SH2B3: variants seen among roughly 807,000 people sequenced by gnomAD.
The protein encoded by SH2B3 is SH2B adaptor protein 3, also known as SH2B adapter protein 3.
Under a neutral mutation model 51.9 loss-of-function variants are expected in SH2B3, and 43 were observed. The ratio of observed to expected loss-of-function variants is 0.83; its 90% CI spans 0.65 to 1.07. The LOEUF (loss-of-function observed/expected upper bound fraction) is 1.07, where lower values mean the gene tolerates loss of function less well. Ranked by LOEUF, SH2B3 falls within the 50% of genes least tolerant of loss-of-function variation. The pLI is 0.00. For missense variants in SH2B3, 952 were observed against 834.3 expected (o/e 1.14, Z -1.74); for synonymous variants, 396 against 376.0 (o/e 1.05, Z -0.62).
chr12:111,444,842 G>A, intron 2 of SH2B3: 1 of 985,678 alleles, frequency 1.0e-6, no homozygotes, highest in East Asian at 1.1e-4. Context: ...TCTGGCATAG[G>A]ACACCCATAC....
chr12:111,408,459 T>G (rs1236089606), intron 1 of SH2B3, among the ~76,000 whole-genome samples: 1 of 131,692 alleles, frequency 7.6e-6, no homozygotes, highest in Non-Finnish European at 1.6e-5. Flanking sequence ...CTCCGATAAA[T>G]AGAACTTTTG....
At chr12:111,415,344 G>A (rs1871001570) in intron 1 of SH2B3, among the ~76,000 whole-genome samples, 1 of 152,200 alleles carries the variant, frequency 6.6e-6, no homozygotes, top group South Asian at 2.1e-4. Context: ...GAGGAAGGAA[G>A]GATGGTGCCC....
At chr12:111,431,223 T>C (rs565701766) in intron 2 of SH2B3, among the ~76,000 whole-genome samples, 1 of 152,282 alleles carries the variant, frequency 6.6e-6, no homozygotes, top group Non-Finnish European at 1.5e-5. Flanking sequence ...TGGACCTCCC[T>C]CGCTGTGGCT....
At chr12:111,419,396 G>C (rs1185734509) in intron 2 of SH2B3, among the ~76,000 whole-genome samples, 2 of 152,148 alleles carry the variant, frequency 1.3e-5, no homozygotes, top group African/African-American at 4.8e-5. Context: ...CAGCACTTTG[G>C]GAGGCCAAGG....
intron 2 of SH2B3, among the ~76,000 whole-genome samples, chr12:111,439,459 T>C (rs1367729453): frequency 3.0e-4 from 46 of 152,328 alleles, no homozygotes; most frequent in African/African-American, 4.8e-5. Context: ...CTAATTTTTG[T>C]ATTTTTAATA....
Position 111,406,566 on chromosome 12 carries a change from G to A in SH2B3, c.-28+289G>A, listed in dbSNP as rs547650629. 1.3e-5 allele frequency among the ~76,000 whole-genome samples: 2 copies of A among 152,336 alleles called. No individual in the cohort carries two copies. The highest frequency in any genetic ancestry group is 4.8e-5 in the African/African-American group (2 of 41,598). On this transcript the variant is annotated intron_variant, in intron 1 of 7. Coordinates refer to ENST00000341259, the MANE Select transcript of SH2B3 (RefSeq NM_005475.3). The surrounding 1 kb of genome is among the most constrained non-coding windows in gnomAD (Gnocchi z 5.7). ...CGCTGACGCCCCCAGCCCACCCTAC[G>A]GTAGCCTCGCCGGTTGGGGGCGGCC...
At position 111,418,662 on chromosome 12, in the gene SH2B3, C is replaced by A; in HGVS notation, c.517C>A (p.Pro173Thr). Reference protein sequence around the residue: ...PGTPGEAAETPARPGLAKKFL... With the variant: ...PGTPGEAAETTARPGLAKKFL... ...GACCCCCGGAGAGGCTGCTGAGACCCCCGCCCGGCCTGGCCTGGCCAAGAA... is the reference window on the plus strand; with the variant it reads ...GACCCCCGGAGAGGCTGCTGAGACCACCGCCCGGCCTGGCCTGGCCAAGAA... The change falls in exon 2 of 8, where the codon CCC becomes ACC. Residue 173 changes from proline to threonine, a missense_variant. Pro to Thr is a conservative substitution (Grantham distance 38). Coordinates refer to ENST00000341259, the MANE Select transcript of SH2B3 (RefSeq NM_005475.3). The surrounding 1 kb of genome is among the most constrained non-coding windows in gnomAD (Gnocchi z 6.7). The A allele has an allele frequency of 6.7e-7, 1 of 1,487,182 alleles. No homozygotes were observed. The highest frequency in any genetic ancestry group is 1.5e-5 in the African/African-American group (1 of 67,824). 92.1% of individuals were successfully genotyped at this position (1,487,182 alleles called of 1,614,324 possible). A position where few individuals can be genotyped will look rare whatever the true frequency, so the allele number is the denominator to read the frequency against.
chr12:111,438,968 TTTTG>T lies in SH2B3; in HGVS notation c.733-7768_733-7765del, dbSNP rs531285039. ...ATGAGGACCACAGGGGAGTTTTTGT[TTTTG>T]TTTGTTTGTTTGTTTGAGACAGTCT... On this transcript the variant is annotated intron_variant, in intron 2 of 7. Transcript: ENST00000341259. This position sits in a 1 kb window ranked among gnomAD's most constrained non-coding sequence, Gnocchi z 4.2. Among the ~76,000 whole-genome samples, 628 of 152,098 alleles carry T rather than the reference TTTTG, an allele frequency of 4.1e-3. 12 individuals are homozygous for T. Among genetic ancestry groups the T allele is most frequent in the Admixed American group, 0.034 (516 of 15,272 alleles).
chr12:111,447,553 T>TG lies in SH2B3; in HGVS notation c.1236+13dup. The TG allele has an allele frequency of 1.1e-5, 2 of 188,588 alleles. No homozygotes were observed. Among genetic ancestry groups the TG allele is most frequent in the Admixed American group, 6.6e-5 (1 of 15,174 alleles). 11.7% of individuals were successfully genotyped at this position (188,588 alleles called of 1,614,324 possible). A position where few individuals can be genotyped will look rare whatever the true frequency, so the allele number is the denominator to read the frequency against. ...TTCAGGGGATAGCCAAGGTATGGGG[T>TG]GGGGTGGGGTGGGGTGGGGCAGGCA... On this transcript the variant is annotated intron_variant, in intron 6 of 7. Transcript: ENST00000341259.
rs941485511 is a variant in SH2B3, at chr12:111,447,278, C to T, written c.1022-52C>T. Reference sequence around the variant, plus strand: ...GGGTACGCTGGAACCCAGACTCAGCCCAGGACATAAGGTAGCCCCCTGCGA... The same window carrying T: ...GGGTACGCTGGAACCCAGACTCAGCTCAGGACATAAGGTAGCCCCCTGCGA... On this transcript the variant is annotated intron_variant, in intron 5 of 7. Transcript: ENST00000341259. 16 of 1,588,904 alleles carry T rather than the reference C, an allele frequency of 1.0e-5. No individual in the cohort carries two copies. In the Admixed American group the frequency reaches 2.5e-4, roughly 25 times the overall value.
intron 2 of SH2B3, among the ~76,000 whole-genome samples, chr12:111,421,272 A>G (rs1871529332): frequency 6.6e-6 from 1 of 151,990 alleles, no homozygotes; most frequent in Admixed American, 6.6e-5. Context: ...CCTCCCCAGT[A>G]GCTGGGATCA....
At chr12:111,413,697 A>G (rs577965847) in intron 1 of SH2B3, among the ~76,000 whole-genome samples, 1 of 152,342 alleles carries the variant, frequency 6.6e-6, no homozygotes, top group East Asian at 1.9e-4. Context: ...GAGTTTGCAA[A>G]TCCAACTGAT....
intron 2 of SH2B3, chr12:111,443,960 G>A (rs1036041561): frequency 8.5e-5 from 13 of 152,378 alleles, no homozygotes; most frequent in African/African-American, 3.1e-4. Context: ...GGAGGCCAAG[G>A]CAGGCGGATC....
At chr12:111,416,979 C>T (rs1010323841) in intron 1 of SH2B3, among the ~76,000 whole-genome samples, 55 of 152,204 alleles carry the variant, frequency 3.6e-4, no homozygotes, top group African/African-American at 1.3e-3. Flanking sequence ...CCACCATTTA[C>T]AAAATGTTTG....
At position 111,451,088 on chromosome 12, in the gene SH2B3, C is replaced by T. The variant is rs1485422357; in HGVS notation, c.*2786C>T. The T allele has an allele frequency of 1.3e-5, 2 of 152,732 alleles. No homozygotes were observed. Among genetic ancestry groups the T allele is most frequent in the African/African-American group, 2.4e-5 (1 of 41,470 alleles). 9.5% of individuals were successfully genotyped at this position (152,732 alleles called of 1,614,324 possible). ...GACTTATTGAACTTTTACAAACTAA[C>T]AGTCACCAGCACCAAAGAATTAAGT... On this transcript the variant is annotated 3_prime_UTR_variant, in exon 8 of 8. Coordinates refer to ENST00000341259, the MANE Select transcript of SH2B3 (RefSeq NM_005475.3).
At position 111,418,311 on chromosome 12, in the gene SH2B3, G is replaced by A. The variant is rs1226860826; in HGVS notation, c.166G>A (p.Ala56Thr). The A allele has an allele frequency of 1.3e-6, 2 of 1,527,398 alleles. No homozygotes were observed. The highest frequency in any genetic ancestry group is 1.4e-5 in the African/African-American group (1 of 71,688). The allele number at this position is 1,527,398 out of a possible 1,614,324, so 94.6% of individuals were successfully genotyped here. Residue 56 changes from alanine (A) to threonine (T), a missense_variant, in exon 2 of 8, where the codon GCG becomes ACG. Ala to Thr is a moderately conservative substitution (Grantham distance 58). Coordinates refer to ENST00000341259, the MANE Select transcript of SH2B3 (RefSeq NM_005475.3). The surrounding 1 kb of genome is among the most constrained non-coding windows in gnomAD (Gnocchi z 6.7). Reference protein sequence around the residue: ...WLFAREHPQHAPLRAELVSLQ... With the variant: ...WLFAREHPQHTPLRAELVSLQ... ...GTTCGCCCGGGAGCATCCGCAGCAC[G>A]CGCCGCTGCGCGCCGAGCTGGTGTC...
Position 111,435,015 on chromosome 12 carries a change from T to A in SH2B3, c.733-11738T>A, listed in dbSNP as rs1227523271. On this transcript the variant is annotated intron_variant, in intron 2 of 7. Coordinates refer to ENST00000341259, the MANE Select transcript of SH2B3 (RefSeq NM_005475.3). This position sits in a 1 kb window ranked among gnomAD's most constrained non-coding sequence, Gnocchi z 4.8. The stretch of plus-strand genomic sequence containing the variant: ...TGCTCTCACCTCTTCTTCTGAATCA[T>A]CGTTCTTCGAAGGCAGGCAGTAGCT... 1.3e-6 allele frequency: 2 copies of A among 1,534,536 alleles called. No individual in the cohort carries two copies. Among genetic ancestry groups the A allele is most frequent in the Non-Finnish European group, 1.7e-6 (2 of 1,146,042 alleles).
Position 111,440,584 on chromosome 12 carries a change from A to G in SH2B3, c.733-6169A>G, listed in dbSNP as rs551872683. Among the ~76,000 whole-genome samples the G allele has an allele frequency of 1.5e-3, 225 of 152,324 alleles. 6 individuals carry two copies. In the South Asian group the frequency reaches 0.046, roughly 31 times the overall value. On this transcript the variant is annotated intron_variant, in intron 2 of 7. Transcript: ENST00000341259. Reference sequence around the variant, plus strand: ...GGGTCTGTGAGCGTCATTTCCAGCCACAGTCAAGCCCCTGTTGTCTTCTAG... The same window carrying G: ...GGGTCTGTGAGCGTCATTTCCAGCCGCAGTCAAGCCCCTGTTGTCTTCTAG...
chr12:111,448,690 G>T lies in SH2B3; in HGVS notation c.*388G>T, dbSNP rs902299127. On this transcript the variant is annotated 3_prime_UTR_variant, in exon 8 of 8. Coordinates refer to ENST00000341259, the MANE Select transcript of SH2B3 (RefSeq NM_005475.3). ...GATGACAGACTTTCTACGGGGAGGA[G>T]GGGGGGATCATCAGGAAGCCCAGAA... 12 of 208,360 alleles carry T rather than the reference G, an allele frequency of 5.8e-5. No individual in the cohort carries two copies. The highest frequency in any genetic ancestry group is 5.9e-5 in the Non-Finnish European group (6 of 101,358). 12.9% of individuals were successfully genotyped at this position (208,360 alleles called of 1,614,324 possible). A position where few individuals can be genotyped will look rare whatever the true frequency, so the allele number is the denominator to read the frequency against.
Sources: allele counts gnomAD v4.1 joint callset (sites outside exome capture counted in the v4.1 genomes callset), GRCh38; gene constraint gnomAD v4.1.1; non-coding constraint Gnocchi (gnomAD v3.1); transcripts MANE v1.5; gene names NCBI Gene and HGNC (gene_info 2026-07-23, HGNC 2026-07-21).